Variants in TUNAR observed in about 807,000 individuals in gnomAD.
TUNAR encodes protein TUNAR.
exon 3 of TUNAR, chr14:95,924,227 C>T (rs1889746466): frequency 6.6e-6 from 1 of 152,198 alleles, no homozygotes; most frequent in African/African-American, 2.4e-5. Flanking sequence ...CATGGTGATT[C>T]AGGCTGTGAG....
chr14:95,902,866 G>A (rs893643235), intron 2 of TUNAR, among the ~76,000 whole-genome samples: 9 of 152,118 alleles, frequency 5.9e-5, no homozygotes, highest in Non-Finnish European at 8.8e-5. Context: ...CTCTAAGCTG[G>A]ATTTCCTTAA....
intron 2 of TUNAR, among the ~76,000 whole-genome samples, chr14:95,892,301 G>T (rs1372899562): frequency 1.3e-5 from 2 of 152,264 alleles, no homozygotes; most frequent in African/African-American, 4.8e-5. Flanking sequence ...GAGTCCCTCT[G>T]CCAGGAGGGA....
intron 2 of TUNAR, among the ~76,000 whole-genome samples, chr14:95,880,323 T>C (rs1005427222): frequency 2.0e-5 from 3 of 152,136 alleles, no homozygotes; most frequent in Admixed American, 1.3e-4. Flanking sequence ...ATAGAAAATA[T>C]GCTGTTTATT....
chr14:95,925,073 T>C (rs1420916793), exon 3 of TUNAR: 3 of 152,264 alleles, frequency 2.0e-5, no homozygotes, highest in Admixed American at 1.3e-4. Context: ...CTAAGGTGCA[T>C]GTAGGGCGTA....
At chr14:95,920,823 C>G (rs1021477259) in intron 2 of TUNAR, among the ~76,000 whole-genome samples, 5 of 151,982 alleles carry the variant, frequency 3.3e-5, no homozygotes. Flanking sequence ...AGATAGCATT[C>G]GAATGAGAGA....
chr14:95,911,223 C>T (rs952290729), intron 2 of TUNAR, among the ~76,000 whole-genome samples: 15 of 152,306 alleles, frequency 9.8e-5, no homozygotes, highest in South Asian at 4.1e-4. Flanking sequence ...TGTAGCATTC[C>T]GCACTTCCAC....
intron 2 of TUNAR, among the ~76,000 whole-genome samples, chr14:95,885,581 T>C (rs761807918): frequency 9.2e-5 from 14 of 152,066 alleles, no homozygotes; most frequent in Non-Finnish European, 1.6e-4. Context: ...GGCCTGTTTA[T>C]TGGGGAGAGG....
chr14:95,920,604 C>T (rs72700945), intron 2 of TUNAR, among the ~76,000 whole-genome samples: 16,554 of 152,178 alleles, frequency 0.11, 1,019 homozygotes, highest in South Asian at 0.22. Context: ...CCATTCTTCA[C>T]TGATGTGCTT....
At chr14:95,907,554 G>A (rs748295389) in intron 2 of TUNAR, among the ~76,000 whole-genome samples, 9 of 152,098 alleles carry the variant, frequency 5.9e-5, no homozygotes, top group African/African-American at 9.7e-5. Context: ...GTTCTTGTCC[G>A]GCATCCAGGA....
intron 2 of TUNAR, among the ~76,000 whole-genome samples, chr14:95,891,213 G>A (rs74501135): frequency 1.4e-3 from 218 of 152,288 alleles, no homozygotes; most frequent in African/African-American, 5.0e-3. Context: ...ATCCCCATTC[G>A]GAAGCTAGAG....
Position 95,913,003 on chromosome 14 carries a change from G to T in TUNAR, c.13-9778G>T, listed in dbSNP as rs1368061690. Among the ~76,000 whole-genome samples, 6 of 152,066 alleles carry T rather than the reference G, an allele frequency of 3.9e-5. No homozygotes were observed. The East Asian group carries it at 1.2e-3, about 29-fold the overall frequency. On this transcript the variant is annotated intron_variant, in intron 2 of 2. Coordinates refer to ENST00000678517, the Ensembl canonical transcript of TUNAR. Reference sequence around the variant, plus strand: ...AGATGGGGTTTCACCCTGTTAGCCAGGACGGTCTCCATCTCCTGACCTCGT... The same window carrying T: ...AGATGGGGTTTCACCCTGTTAGCCATGACGGTCTCCATCTCCTGACCTCGT...
chr14:95,889,396 C>T (rs1001255849), intron 2 of TUNAR, among the ~76,000 whole-genome samples: 6 of 152,120 alleles, frequency 3.9e-5, no homozygotes, highest in Admixed American at 6.5e-5. Context: ...CCCTGGGCAC[C>T]GTGCCTGCTG....
chr14:95,896,504 G>T (rs963751517), intron 2 of TUNAR, among the ~76,000 whole-genome samples: 2 of 152,206 alleles, frequency 1.3e-5, no homozygotes, highest in African/African-American at 4.8e-5. Context: ...TTCCATGAAG[G>T]GACTGGGCTG....
At chr14:95,902,026 A>T (rs563784126) in intron 2 of TUNAR, among the ~76,000 whole-genome samples, 1 of 152,104 alleles carries the variant, frequency 6.6e-6, no homozygotes, top group African/African-American at 2.4e-5. Flanking sequence ...AAGATCAAGG[A>T]TGTTCACATC....
At chr14:95,914,666 G>A (rs1321608362) in intron 2 of TUNAR, among the ~76,000 whole-genome samples, 1 of 124,938 alleles carries the variant, frequency 8.0e-6, no homozygotes, top group Non-Finnish European at 1.9e-5. Context: ...TGTCATCATT[G>A]TCATCATCAT....
intron 2 of TUNAR, among the ~76,000 whole-genome samples, chr14:95,903,830 G>T (rs1889390923): frequency 6.6e-6 from 1 of 152,234 alleles, no homozygotes; most frequent in Non-Finnish European, 1.5e-5. Flanking sequence ...GGCCGGCACA[G>T]CCAGGGCTGT....
At chr14:95,918,963 C>G (rs553899322) in intron 2 of TUNAR, among the ~76,000 whole-genome samples, 2 of 152,186 alleles carry the variant, frequency 1.3e-5, no homozygotes, top group South Asian at 4.1e-4. Flanking sequence ...CCCGGCATCA[C>G]GCTTGGAGGT....
intron 2 of TUNAR, among the ~76,000 whole-genome samples, chr14:95,885,470 G>A (rs1889061460): frequency 1.3e-5 from 2 of 152,194 alleles, no homozygotes; most frequent in African/African-American, 4.8e-5. Flanking sequence ...GAGGGTGGAG[G>A]CGTTTGACTT....
chr14:95,906,563 C>T (rs970759895), intron 2 of TUNAR, among the ~76,000 whole-genome samples: 1 of 152,200 alleles, frequency 6.6e-6, no homozygotes, highest in African/African-American at 2.4e-5. Flanking sequence ...TAGGTGATAG[C>T]GTTTGTGTAC....
Sources: gnomAD v4.1 joint callset for allele counts (sites outside exome capture counted in the v4.1 genomes callset) on GRCh38, gnomAD v4.1.1 for gene constraint, MANE v1.5 for transcripts, NCBI Gene and HGNC (gene_info 2026-07-23, HGNC 2026-07-21) for gene names.